NAV2: variants seen among roughly 807,000 people sequenced by gnomAD.
NAV2 encodes the protein neuron navigator 2.
NAV2 carries 54 observed loss-of-function variants against 223.2 expected under a neutral mutation model. The ratio of observed to expected loss-of-function variants is 0.24; its 90% CI spans 0.19 to 0.30. The LOEUF is 0.30. NAV2 is among the 10% of genes least tolerant of loss of function. The pLI, the probability that NAV2 is intolerant of heterozygous loss-of-function variation, is 1.00. For synonymous variants in NAV2, 1,279 were observed against 1,239.3 expected, an observed-to-expected ratio of 1.03 and a Z score of -0.67; for missense variants, 2,806 against 3,147.5, an observed-to-expected ratio of 0.89 and a Z score of 2.60.
intron 1 of NAV2, among the ~76,000 whole-genome samples, chr11:19,472,316 G>A (rs1258510078): frequency 6.6e-6 from 1 of 152,080 alleles, no homozygotes; most frequent in East Asian, 1.9e-4. Flanking sequence ...CTGTGATGTT[G>A]GACAATTATT....
At chr11:19,883,913 AC>A (rs967076458) in intron 5 of NAV2, among the ~76,000 whole-genome samples, 3 of 152,166 alleles carry the variant, frequency 2.0e-5, no homozygotes, top group Non-Finnish European at 4.4e-5. Flanking sequence ...TCTGAAAAGC[AC>A]CCCAGTAGAA....
At chr11:19,799,419 G>C (rs1052024033) in intron 1 of NAV2, among the ~76,000 whole-genome samples, 1 of 152,164 alleles carries the variant, frequency 6.6e-6, no homozygotes, top group Non-Finnish European at 1.5e-5. Context: ...ACAACCCTAA[G>C]TGAGTAGACA....
At chr11:19,824,878 TGAC>T (rs755897327) in intron 1 of NAV2, among the ~76,000 whole-genome samples, 8 of 152,214 alleles carry the variant, frequency 5.3e-5, no homozygotes, top group Non-Finnish European at 1.2e-4. Context: ...GAATAAGCAG[TGAC>T]ATTCTTTGTG....
chr11:20,021,475 T>A (rs931221721), intron 11 of NAV2, among the ~76,000 whole-genome samples: 1 of 152,184 alleles, frequency 6.6e-6, no homozygotes, highest in Non-Finnish European at 1.5e-5. Flanking sequence ...TGTGTCTCCA[T>A]ACACACAATC....
At position 20,092,182 on chromosome 11, in the gene NAV2, G is replaced by T. The variant is rs772452339; in HGVS notation, c.5653-24G>T. 3 of 1,604,498 alleles carry T rather than the reference G, an allele frequency of 1.9e-6. No individual in the cohort carries two copies. The South Asian group carries it at 3.3e-5, about 18-fold the overall frequency. On this transcript the variant is annotated intron_variant, in intron 27 of 37. Transcript: ENST00000349880. The stretch of plus-strand genomic sequence containing the variant: ...TTCACATTACTTCTGCCTACTAAGG[G>T]AGCTTCTCCATTACTCTTTGCAGAG...
chr11:19,800,218 G>T (rs968394064), intron 1 of NAV2, among the ~76,000 whole-genome samples: 3 of 152,244 alleles, frequency 2.0e-5, no homozygotes, highest in Non-Finnish European at 2.9e-5. Context: ...TGCTGTCCTC[G>T]CTGGCAGTTC....
At chr11:20,060,124 G>A (rs963879119) in intron 19 of NAV2, among the ~76,000 whole-genome samples, 2 of 152,188 alleles carry the variant, frequency 1.3e-5, no homozygotes, top group Non-Finnish European at 2.9e-5. Context: ...TGCTTGTACC[G>A]AGTTGTTGCT....
intron 1 of NAV2, among the ~76,000 whole-genome samples, chr11:19,680,621 C>G (rs528436326): frequency 2.6e-4 from 39 of 152,328 alleles, no homozygotes; most frequent in African/African-American, 9.1e-4. Flanking sequence ...TCTACCCCTA[C>G]CTGCTGTGCC....
At chr11:19,834,188 A>C (rs746131332) in intron 2 of NAV2, among the ~76,000 whole-genome samples, 15 of 151,788 alleles carry the variant, frequency 9.9e-5, no homozygotes, top group Non-Finnish European at 1.8e-4. Flanking sequence ...TCTTCCTCTT[A>C]CTCTTCATCA....
intron 8 of NAV2, among the ~76,000 whole-genome samples, chr11:19,941,120 G>A (rs756689920): frequency 4.6e-5 from 7 of 152,136 alleles, no homozygotes; most frequent in Non-Finnish European, 8.8e-5. Context: ...CATTTGAAAA[G>A]CAAAAGCAGG....
chr11:20,118,028 T>C, intron 37 of NAV2, 105 bp from the exon 38 acceptor site: 1 of 1,324,742 alleles, frequency 7.5e-7, no homozygotes, highest in South Asian at 1.3e-5. Context: ...CACTGTGGGC[T>C]GTTATCCCAG....
At chr11:20,034,977 C>A (rs972636363) in intron 11 of NAV2, among the ~76,000 whole-genome samples, 4 of 152,038 alleles carry the variant, frequency 2.6e-5, no homozygotes, top group African/African-American at 7.2e-5. Flanking sequence ...CAAAACAGGA[C>A]TGGGGTAGGA....
chr11:19,603,199 A>G (rs1422902936), intron 1 of NAV2, among the ~76,000 whole-genome samples: 1 of 152,184 alleles, frequency 6.6e-6, no homozygotes, highest in Non-Finnish European at 1.5e-5. Context: ...TATAGAATTT[A>G]AAATTTGTAT....
intron 20 of NAV2, among the ~76,000 whole-genome samples, chr11:20,064,484 T>A (rs1288981835): frequency 1.3e-5 from 2 of 151,844 alleles, no homozygotes; most frequent in African/African-American, 2.4e-5. Flanking sequence ...CAGAGGGGAG[T>A]GGGTTTTCCA....
intron 1 of NAV2, among the ~76,000 whole-genome samples, chr11:19,572,129 G>GGTA (rs1233113802): frequency 6.6e-6 from 1 of 152,258 alleles, no homozygotes; most frequent in Non-Finnish European, 1.5e-5. Flanking sequence ...CATGGACTTA[G>GGTA]GTAGTATGGC....
chr11:19,854,149 A>C (rs986588672), intron 3 of NAV2, among the ~76,000 whole-genome samples: 3 of 151,880 alleles, frequency 2.0e-5, no homozygotes, highest in African/African-American at 7.3e-5. Context: ...GCTTGGATCC[A>C]CCTCCCTGCA....
chr11:19,707,470 A>G (rs2049699940), intron 1 of NAV2, among the ~76,000 whole-genome samples: 1 of 152,214 alleles, frequency 6.6e-6, no homozygotes. Flanking sequence ...AGGCCTAAAC[A>G]GGGCCAATAT....
chr11:19,654,711 C>T (rs1590042823), intron 1 of NAV2, among the ~76,000 whole-genome samples: 1 of 152,134 alleles, frequency 6.6e-6, no homozygotes, highest in Non-Finnish European at 1.5e-5. Flanking sequence ...AAACTGGATC[C>T]CTTCCTTACG....
intron 1 of NAV2, among the ~76,000 whole-genome samples, chr11:19,415,848 T>A (rs1377801766): frequency 6.6e-6 from 1 of 152,146 alleles, no homozygotes; most frequent in Admixed American, 6.5e-5. Flanking sequence ...AAAAACCACA[T>A]GATTATCTCA....
Sources: gnomAD v4.1 joint callset for allele counts (sites outside exome capture counted in the v4.1 genomes callset) on GRCh38, gnomAD v4.1.1 for gene constraint, MANE v1.5 for transcripts, NCBI Gene and HGNC (gene_info 2026-07-23, HGNC 2026-07-21) for gene names.